Variants in DEFB4B observed in about 807,000 individuals in gnomAD.
DEFB4B encodes the protein defensin beta 4B.
chr8:7,415,689 A>ATTCCTCCC (rs1808809583), intron 1 of DEFB4B, among the ~76,000 whole-genome samples: 1 of 67,450 alleles, frequency 1.5e-5, no homozygotes, highest in East Asian at 5.5e-4. Context: ...TTCTTTTTTT[A>ATTCCTCCC]TCCCTCCCTC....
intron 1 of DEFB4B, among the ~76,000 whole-genome samples, chr8:7,416,317 A>G (rs1382271990): frequency 2.0e-3 from 303 of 151,660 alleles, no homozygotes; most frequent in African/African-American, 6.9e-3. Context: ...TCTGCCTTTT[A>G]TTTAAAAAGT....
intron 1 of DEFB4B, among the ~76,000 whole-genome samples, chr8:7,416,484 G>A (rs1219564713): frequency 2.6e-5 from 4 of 151,652 alleles, no homozygotes; most frequent in Non-Finnish European, 2.9e-5. Context: ...AGGAAGCAAT[G>A]CTTGGTTCAA....
intron 1 of DEFB4B, among the ~76,000 whole-genome samples, 188 bp downstream of exon 1, chr8:7,416,582 A>G (rs1242727881): frequency 6.8e-6 from 1 of 146,854 alleles, no homozygotes; most frequent in Non-Finnish European, 1.5e-5. Context: ...AGGAAAAAGA[A>G]AGACAGAAAA....
chr8:7,415,678 C>T (rs1165455622), intron 1 of DEFB4B, among the ~76,000 whole-genome samples: 4 of 133,514 alleles, frequency 3.0e-5, no homozygotes, highest in Non-Finnish European at 6.4e-5. Context: ...CAACCTCATT[C>T]TTCTTTTTTT....
At chr8:7,416,340 T>C (rs1808858129) in intron 1 of DEFB4B, among the ~76,000 whole-genome samples, 1 of 151,758 alleles carries the variant, frequency 6.6e-6, no homozygotes, top group Non-Finnish European at 1.5e-5. Flanking sequence ...CCTAACAGGT[T>C]TCAACCATAG....
chr8:7,416,165 G>T (rs1808846269), intron 1 of DEFB4B, among the ~76,000 whole-genome samples: 1 of 151,076 alleles, frequency 6.6e-6, no homozygotes, highest in African/African-American at 2.4e-5. Flanking sequence ...CCTGGGGGCA[G>T]AGTGTCTGCT....
chr8:7,415,710 TCCCTCCC>T (rs1808814159), intron 1 of DEFB4B, among the ~76,000 whole-genome samples: 3 of 68,060 alleles, frequency 4.4e-5, no homozygotes, highest in Admixed American at 4.2e-4. Context: ...CCTCCCTCCC[TCCCTCCC>T]TCCCTCCTTC....
chr8:7,415,853 T>C (rs2128862764), intron 1 of DEFB4B, among the ~76,000 whole-genome samples: 1 of 148,990 alleles, frequency 6.7e-6, no homozygotes, highest in Admixed American at 6.8e-5. Context: ...AACCCCATTG[T>C]TCTCACAAAA....
chr8:7,415,727 C>CCCG (rs1259417441), intron 1 of DEFB4B, among the ~76,000 whole-genome samples: 176 of 123,448 alleles, frequency 1.4e-3, no homozygotes, highest in African/African-American at 5.0e-3. Flanking sequence ...CTCCCTCCTT[C>CCCG]CCTCCCTCCC....
chr8:7,415,769 C>T (rs1360633248), intron 1 of DEFB4B, among the ~76,000 whole-genome samples: 2 of 145,718 alleles, frequency 1.4e-5, no homozygotes, highest in Non-Finnish European at 3.0e-5. Context: ...GCCTCCCTGC[C>T]TCCCTGCCTC....
At chr8:7,415,389 G>C (rs144804940) in intron 1 of DEFB4B, among the ~76,000 whole-genome samples, 6 of 151,358 alleles carry the variant, frequency 4.0e-5, no homozygotes, top group African/African-American at 1.5e-4. Context: ...GTGGGGTCTG[G>C]TAGGAGCTCA....
intron 1 of DEFB4B, among the ~76,000 whole-genome samples, chr8:7,415,617 C>T (rs1239052417): frequency 3.3e-5 from 5 of 151,092 alleles, no homozygotes; most frequent in African/African-American, 1.2e-4. Flanking sequence ...CACAATTAAC[C>T]ATAGAAATAA....
intron 1 of DEFB4B, among the ~76,000 whole-genome samples, chr8:7,415,724 C>CCTCCCTCCCTCCCTCCCTCT (rs942216378): frequency 8.0e-6 from 1 of 125,548 alleles, no homozygotes; most frequent in Non-Finnish European, 1.7e-5. Context: ...TCCCTCCCTC[C>CCTCCCTCCCTCCCTCCCTCT]TTCCCTCCCT....
chr8:7,416,301 A>T (rs1408621569), intron 1 of DEFB4B, among the ~76,000 whole-genome samples: 2 of 151,724 alleles, frequency 1.3e-5, no homozygotes, highest in African/African-American at 4.9e-5. Context: ...AGATAAAATC[A>T]AAATTTCTGC....
intron 1 of DEFB4B, among the ~76,000 whole-genome samples, chr8:7,415,876 A>G (rs932070019): frequency 6.7e-6 from 1 of 148,656 alleles, no homozygotes; most frequent in African/African-American, 2.5e-5. Flanking sequence ...CAGGACTCAT[A>G]AATAAGATTG....
chr8:7,415,089 CA>C lies in DEFB4B; in HGVS notation c.66del (p.Phe22LeufsTer4). ...FIFLMPLPGVFGGIGDPVTCL... is the reference protein window; with the variant it reads ...FIFLMPLPGVXGGIGDPVTCL... ...CAGGTAACAGGATCGCCTATACCACCAAAAACACCTAACAGGGAAAAAACAC... is the reference window on the plus strand; with the variant it reads ...CAGGTAACAGGATCGCCTATACCACCAAAACACCTAACAGGGAAAAAACAC... On this transcript the variant is annotated frameshift_variant, in exon 2 of 2. Coordinates refer to ENST00000318157, the MANE Select transcript of DEFB4B (RefSeq NM_001205266.2). LOFTEE classifies it low-confidence loss of function (END_TRUNC). The C allele has an allele frequency of 2.8e-6, 3 of 1,072,410 alleles. No homozygotes were observed. Among genetic ancestry groups the C allele is most frequent in the South Asian group, 1.6e-5 (1 of 63,574 alleles). 66.4% of individuals were successfully genotyped at this position (1,072,410 alleles called of 1,614,324 possible).
At chr8:7,416,182 G>A (rs535734560) in intron 1 of DEFB4B, among the ~76,000 whole-genome samples, 2 of 151,022 alleles carry the variant, frequency 1.3e-5, no homozygotes, top group African/African-American at 4.9e-5. Context: ...TGCTGCAGTA[G>A]TTCTCACAGT....
At chr8:7,415,368 G>A (rs1162209501) in intron 1 of DEFB4B, among the ~76,000 whole-genome samples, 1 of 151,232 alleles carries the variant, frequency 6.6e-6, no homozygotes, top group Non-Finnish European at 1.5e-5. Context: ...CTGAGTGACT[G>A]GGGCCTCCAG....
At chr8:7,415,379 G>C (rs576388646) in intron 1 of DEFB4B, among the ~76,000 whole-genome samples, 1 of 151,458 alleles carries the variant, frequency 6.6e-6, no homozygotes, top group African/African-American at 2.4e-5. Flanking sequence ...GGGCCTCCAG[G>C]TGGGGTCTGG....
Sources: allele counts gnomAD v4.1 joint callset (sites outside exome capture counted in the v4.1 genomes callset), GRCh38; gene constraint gnomAD v4.1.1; transcripts MANE v1.5; gene names NCBI Gene and HGNC (gene_info 2026-07-23, HGNC 2026-07-21).